The following C1QTNF9 variants were observed in gnomAD, a reference collection of about 807,000 sequenced individuals.
C1QTNF9 encodes C1q and TNF related 9, also known as complement C1q and tumor necrosis factor-related protein 9A.
C1QTNF9 carries 6 observed loss-of-function variants against 10.1 expected under a neutral mutation model. The ratio of observed to expected loss-of-function variants is 0.59; its 90% CI spans 0.32 to 1.17. C1QTNF9 has a LOEUF of 1.17. C1QTNF9 is among the 50% of genes most tolerant of loss of function. C1QTNF9 has a pLI of 0.04. For missense variants in C1QTNF9, 201 were observed against 418.8 expected (o/e 0.48, Z 4.54); for synonymous variants, 98 against 163.5 (o/e 0.60, Z 3.06).
At chr13:24,320,100 A>G (rs1034049447) in intron 3 of C1QTNF9, among the ~76,000 whole-genome samples, 3 of 152,054 alleles carry the variant, frequency 2.0e-5, no homozygotes, top group African/African-American at 2.4e-5. Flanking sequence ...GGAGAGGGCA[A>G]TGCCTCGATG....
At chr13:24,316,409 G>T (rs932829996) in intron 2 of C1QTNF9, among the ~76,000 whole-genome samples, 2 of 151,906 alleles carry the variant, frequency 1.3e-5, no homozygotes, top group African/African-American at 4.8e-5. Flanking sequence ...GAGAGCACAG[G>T]GCAAGATCGC....
At chr13:24,316,624 A>G (rs1878049936) in intron 2 of C1QTNF9, among the ~76,000 whole-genome samples, 1 of 152,248 alleles carries the variant, frequency 6.6e-6, no homozygotes, top group Non-Finnish European at 1.5e-5. Context: ...GCATCATGCC[A>G]TGAAGCAGGA....
At chr13:24,319,007 CG>C (rs1215064615) in intron 3 of C1QTNF9, 127 bp downstream of exon 3, 9 of 1,184,564 alleles carry the variant, frequency 7.6e-6, no homozygotes, top group African/African-American at 6.1e-5. Flanking sequence ...ACTCTCCAGA[CG>C]GGGGGATTCT....
At chr13:24,314,271 G>A (rs974774566) in intron 1 of C1QTNF9, among the ~76,000 whole-genome samples, 5 of 151,836 alleles carry the variant, frequency 3.3e-5, no homozygotes, top group African/African-American at 9.7e-5. Context: ...CAGGTACAGG[G>A]TCTTTAGCCT....
In C1QTNF9 at chr13:24,321,790, G is replaced by A. The variant is rs111232315; in HGVS notation, c.*22G>A. Reference sequence around the variant, plus strand: ...GTGACAGAGGAGAGTTTAAAAATCCGCCACACCATCCATCAGAATCAGCTT... The same window carrying A: ...GTGACAGAGGAGAGTTTAAAAATCCACCACACCATCCATCAGAATCAGCTT... On this transcript the variant is annotated 3_prime_UTR_variant, in exon 4 of 4. Coordinates refer to ENST00000332018, the Ensembl canonical transcript of C1QTNF9. 3,105 of 1,529,712 alleles carry A rather than the reference G, an allele frequency of 2.0e-3. 46 individuals are homozygous for A. In the African/African-American group the frequency reaches 0.036, roughly 18 times the overall value. The allele number at this position is 1,529,712 out of a possible 1,614,324, so 94.8% of individuals were successfully genotyped here. A position where few individuals can be genotyped will look rare whatever the true frequency, so the allele number is the denominator to read the frequency against.
intron 1 of C1QTNF9, among the ~76,000 whole-genome samples, chr13:24,315,133 T>C (rs1184426309): frequency 6.6e-6 from 1 of 152,190 alleles, no homozygotes; most frequent in Non-Finnish European, 1.5e-5. Flanking sequence ...TGTGCAACCA[T>C]CACCACCACC....
chr13:24,319,007 C>A, intron 3 of C1QTNF9, 127 bp downstream of exon 3: 2 of 1,184,274 alleles, frequency 1.7e-6, no homozygotes, highest in Non-Finnish European at 1.2e-6. Flanking sequence ...ACTCTCCAGA[C>A]GGGGGGATTC....
chr13:24,316,114 T>C (rs779758757), exon 2 of C1QTNF9: 6 of 1,612,910 alleles, frequency 3.7e-6, no homozygotes, highest in East Asian at 4.5e-5. Context: ...CCGGTCACAA[T>C]GGTCTGCCTG....
upstream of C1QTNF9, among the ~76,000 whole-genome samples, chr13:24,307,927 T>G (rs1298172196): frequency 6.6e-6 from 1 of 152,194 alleles, no homozygotes; most frequent in East Asian, 1.9e-4. Context: ...CCCTTTTCCC[T>G]GTAAGCAGGA....
chr13:24,318,749 G>A (rs1321059278), intron 2 of C1QTNF9, 69 bp from the exon 3 acceptor site: 16 of 1,602,958 alleles, frequency 1.0e-5, no homozygotes, highest in Non-Finnish European at 1.4e-5. Context: ...CATGGCTGAT[G>A]GAGACCAATG....
chr13:24,311,554 G>C (rs1000627158), intron 1 of C1QTNF9, among the ~76,000 whole-genome samples: 5 of 152,078 alleles, frequency 3.3e-5, no homozygotes, highest in Admixed American at 3.3e-4. Context: ...ATATATTACT[G>C]GGAGGGTTGT....
intron 3 of C1QTNF9, among the ~76,000 whole-genome samples, chr13:24,320,155 A>T (rs1878194613): frequency 6.6e-6 from 1 of 151,800 alleles, no homozygotes; most frequent in Non-Finnish European, 1.5e-5. Flanking sequence ...TTTTTAGAGG[A>T]TGTCACGACT....
At chr13:24,321,565 G>C (rs773671876) in exon 4 of C1QTNF9, 1 of 1,613,492 alleles carries the variant, frequency 6.2e-7, no homozygotes, top group Admixed American at 1.7e-5. Flanking sequence ...GGTGTCTTTG[G>C]TCAAAAATGG....
exon 4 of C1QTNF9, chr13:24,321,562 T>C (rs1465083101): frequency 6.2e-7 from 1 of 1,613,492 alleles, no homozygotes; most frequent in Admixed American, 1.7e-5. Flanking sequence ...TCAGGTGTCT[T>C]TGGTCAAAAA....
At chr13:24,315,541 T>C (rs1310569129) in intron 1 of C1QTNF9, among the ~76,000 whole-genome samples, 1 of 152,210 alleles carries the variant, frequency 6.6e-6, no homozygotes, top group Admixed American at 6.5e-5. Context: ...TTTGTGTAGA[T>C]GCACAGCAGT....
intron 3 of C1QTNF9, among the ~76,000 whole-genome samples, chr13:24,320,334 G>A (rs890413255): frequency 1.3e-5 from 2 of 152,192 alleles, no homozygotes; most frequent in South Asian, 2.1e-4. Flanking sequence ...GTGTTGGGAT[G>A]TGTGTGTGTC....
At chr13:24,317,124 C>T (rs1396189860) in intron 2 of C1QTNF9, among the ~76,000 whole-genome samples, 1 of 152,136 alleles carries the variant, frequency 6.6e-6, no homozygotes, top group Admixed American at 6.5e-5. Context: ...GAGGTGTCTT[C>T]TCCTGGCTCA....
At chr13:24,307,967 C>G (rs1172235268), upstream of C1QTNF9, among the ~76,000 whole-genome samples, 1 of 152,240 alleles carries the variant, frequency 6.6e-6, no homozygotes, top group Non-Finnish European at 1.5e-5. Flanking sequence ...GAGCCGGCTT[C>G]CCACGGACCC....
chr13:24,317,939 AG>A (rs1322876309), intron 2 of C1QTNF9, among the ~76,000 whole-genome samples: 6 of 152,118 alleles, frequency 3.9e-5, no homozygotes, highest in African/African-American at 1.4e-4. Context: ...GGCCCCACTC[AG>A]GAGCGCTGGT....
Sources: gnomAD v4.1 joint callset for allele counts (sites outside exome capture counted in the v4.1 genomes callset) on GRCh38, gnomAD v4.1.1 for gene constraint, MANE v1.5 for transcripts, NCBI Gene and HGNC (gene_info 2026-07-23, HGNC 2026-07-21) for gene names.